NRCAM: variants seen among roughly 807,000 people sequenced by gnomAD.
The protein encoded by NRCAM is NgCAM-related cell adhesion molecule.
A neutral mutation model predicts 156.5 loss-of-function variants in NRCAM; 83 were observed. The observed-to-expected ratio is 0.53, with a 90% CI of 0.44 to 0.64. The LOEUF (loss-of-function observed/expected upper bound fraction) is 0.64. NRCAM is among the 30% of genes least tolerant of loss of function. The pLI is 0.00. For missense variants in NRCAM, 1,417 were observed against 1,597.3 expected (o/e 0.89, Z 1.92); for synonymous variants, 538 against 563.9 (o/e 0.95, Z 0.65).
At chr7:108,328,675 G>C (rs987010287) in intron 2 of NRCAM, 1 of 152,106 alleles carries the variant, frequency 6.6e-6, no homozygotes, top group East Asian at 1.9e-4. Context: ...ACATTTCTTC[G>C]TATCCATTTA....
At chr7:108,435,852 G>C (rs1831379864) in intron 1 of NRCAM, among the ~76,000 whole-genome samples, 1 of 152,250 alleles carries the variant, frequency 6.6e-6, no homozygotes. Context: ...CAAGATATTG[G>C]CCAGGGGCGG....
chr7:108,319,952 G>T (rs891265602), intron 2 of NRCAM, among the ~76,000 whole-genome samples: 4 of 152,036 alleles, frequency 2.6e-5, no homozygotes, highest in African/African-American at 9.7e-5. Flanking sequence ...GGGTGGAAGA[G>T]GAATGATTTG....
chr7:108,293,973 G>A (rs2098393862), intron 3 of NRCAM, among the ~76,000 whole-genome samples: 2 of 152,076 alleles, frequency 1.3e-5, no homozygotes, highest in Non-Finnish European at 2.9e-5. Flanking sequence ...CTGGAGCCAG[G>A]AGTTTGCACC....
intron 2 of NRCAM, among the ~76,000 whole-genome samples, chr7:108,331,792 TA>T (rs1202564759): frequency 5.3e-5 from 8 of 152,198 alleles, no homozygotes; most frequent in Admixed American, 6.5e-5. Context: ...TTTTTGACAT[TA>T]TTTAGCAGGC....
chr7:108,241,115 C>A (rs2095494930), intron 3 of NRCAM, among the ~76,000 whole-genome samples: 1 of 152,134 alleles, frequency 6.6e-6, no homozygotes, highest in African/African-American at 2.4e-5. Flanking sequence ...GTTATTTCAC[C>A]ACCACCCCTG....
In NRCAM at chr7:108,178,247, T is replaced by A. The variant is rs1434643333; in HGVS notation, c.2852-135A>T. On this transcript the variant is annotated intron_variant, in intron 25 of 32. Coordinates refer to ENST00000379028, the MANE Select transcript of NRCAM (RefSeq NM_001037132.4). ...CATTCCTGATTCAGCTGAAAATACA[T>A]TAGTACAAACCTGTGACAGGCACCC... 1.1e-5 allele frequency: 9 copies of A among 815,000 alleles called. No homozygotes were observed. The highest frequency in any genetic ancestry group is 1.7e-5 in the African/African-American group (1 of 57,952). 50.5% of individuals were successfully genotyped at this position (815,000 alleles called of 1,614,324 possible). A position where few individuals can be genotyped will look rare whatever the true frequency, so the allele number is the denominator to read the frequency against.
intron 3 of NRCAM, among the ~76,000 whole-genome samples, chr7:108,259,132 T>A (rs545586418): frequency 1.3e-5 from 2 of 152,098 alleles, no homozygotes; most frequent in South Asian, 4.2e-4. Flanking sequence ...TTGGACAGAG[T>A]TTCTCTAGAG....
At position 108,149,708 on chromosome 7, in the gene NRCAM, GA is replaced by G. The variant is rs2040189355; in HGVS notation, c.*201del. 1.8e-6 allele frequency: 1 copy of G among 565,316 alleles called. No homozygotes were observed. The highest frequency in any genetic ancestry group is 3.1e-6 in the Non-Finnish European group (1 of 322,792). The allele number at this position is 565,316 out of a possible 1,614,324, so 35.0% of individuals were successfully genotyped here. On this transcript the variant is annotated 3_prime_UTR_variant, in exon 33 of 33. Transcript: ENST00000379028. ...GAAATCAAGAATACCCATTTTGAAT[GA>G]AAAAGTATGCACTTTGCATTCCAGT...
chr7:108,411,753 G>C (rs1459746443), intron 1 of NRCAM, among the ~76,000 whole-genome samples: 1 of 151,890 alleles, frequency 6.6e-6, no homozygotes, highest in Non-Finnish European at 1.5e-5. Context: ...GGCTGGTCTC[G>C]AACTCCCGAC....
intron 2 of NRCAM, among the ~76,000 whole-genome samples, chr7:108,327,932 A>T (rs890226272): frequency 6.6e-6 from 1 of 152,196 alleles, no homozygotes; most frequent in Non-Finnish European, 1.5e-5. Context: ...AAAATAAGGG[A>T]GAATAAGGCC....
chr7:108,174,154 A>T (rs942944785), intron 28 of NRCAM, among the ~76,000 whole-genome samples: 1 of 152,268 alleles, frequency 6.6e-6, no homozygotes. Flanking sequence ...GTAAGTTTAC[A>T]TCGCTCTGTG....
At chr7:108,298,153 C>T (rs185529282) in intron 3 of NRCAM, among the ~76,000 whole-genome samples, 4 of 152,104 alleles carry the variant, frequency 2.6e-5, no homozygotes, top group South Asian at 2.1e-4. Flanking sequence ...ATAAAATCCA[C>T]GTTGCAAAGC....
chr7:108,401,055 T>C (rs2154395762), intron 1 of NRCAM, among the ~76,000 whole-genome samples: 1 of 152,206 alleles, frequency 6.6e-6, no homozygotes, highest in African/African-American at 2.4e-5. Context: ...AGGTCAGGAA[T>C]TCGAGACAAG....
At chr7:108,276,236 A>G (rs1488648086) in intron 3 of NRCAM, among the ~76,000 whole-genome samples, 2 of 152,184 alleles carry the variant, frequency 1.3e-5, no homozygotes, top group Non-Finnish European at 2.9e-5. Context: ...AGTTCTGTAG[A>G]TGTCTATTAG....
rs58975301 is a variant in NRCAM, at chr7:108,335,434, CTTTTT to C, written c.-173-22708_-173-22704del. Reference sequence around the variant, plus strand: ...ATGTCCTGTGGATCTGTTCCACCTGCTTTTTTTTTTTTTTTTTTTTTTTTTCAGTT... The same window carrying C: ...ATGTCCTGTGGATCTGTTCCACCTGCTTTTTTTTTTTTTTTTTTTTCAGTT... On this transcript the variant is annotated intron_variant, in intron 2 of 32. Coordinates refer to ENST00000379028, the MANE Select transcript of NRCAM (RefSeq NM_001037132.4). Among the ~76,000 whole-genome samples the C allele has an allele frequency of 6.0e-3, 416 of 69,870 alleles. 3 individuals carry two copies. Among genetic ancestry groups the C allele is most frequent in the African/African-American group, 0.023 (386 of 17,036 alleles). 45.8% of individuals were successfully genotyped at this position (69,870 alleles called of 152,430 possible). A position where few individuals can be genotyped will look rare whatever the true frequency, so the allele number is the denominator to read the frequency against.
intron 1 of NRCAM, among the ~76,000 whole-genome samples, chr7:108,402,051 T>G (rs1279020737): frequency 6.6e-6 from 1 of 152,230 alleles, no homozygotes. Flanking sequence ...TTAACTGTTT[T>G]GGAGAAGTTC....
At chr7:108,282,251 T>C (rs2097887834) in intron 3 of NRCAM, among the ~76,000 whole-genome samples, 1 of 152,218 alleles carries the variant, frequency 6.6e-6, no homozygotes, top group Non-Finnish European at 1.5e-5. Context: ...GGATTTCTCC[T>C]GTAAAACACA....
chr7:108,222,743 G>T (rs1562809554), intron 11 of NRCAM, among the ~76,000 whole-genome samples: 2 of 152,142 alleles, frequency 1.3e-5, no homozygotes, highest in African/African-American at 2.4e-5. Flanking sequence ...CCAATGAGTT[G>T]CCTGTCAAGG....
chr7:108,217,328 G>A (rs1055599969), intron 11 of NRCAM, among the ~76,000 whole-genome samples: 5 of 152,248 alleles, frequency 3.3e-5, no homozygotes, highest in African/African-American at 4.8e-5. Context: ...GATGTCAGCC[G>A]GAGCTCTCCT....
Sources: allele counts gnomAD v4.1 joint callset (sites outside exome capture counted in the v4.1 genomes callset), GRCh38; gene constraint gnomAD v4.1.1; transcripts MANE v1.5; gene names NCBI Gene and HGNC (gene_info 2026-07-23, HGNC 2026-07-21).